The following SYNE2 variants were observed in gnomAD, a reference collection of about 807,000 sequenced individuals.
The protein encoded by SYNE2 is spectrin repeat containing nuclear envelope protein 2.
Under a neutral mutation model 856.3 loss-of-function variants are expected in SYNE2, and 431 were observed. The observed-to-expected ratio is 0.50, with a 90% CI of 0.47 to 0.55. SYNE2 has a LOEUF of 0.55. Ranked by LOEUF, SYNE2 falls within the 20% of genes least tolerant of loss-of-function variation. SYNE2 has a pLI of 0.00. For missense variants in SYNE2, 8,129 were observed against 8,023.2 expected (o/e 1.01, Z -0.50); for synonymous variants, 2,923 against 2,872.3 (o/e 1.02, Z -0.56).
At chr14:63,954,977 A>G in intron 8 of SYNE2, 62 bp downstream of exon 8, 1 of 1,339,412 alleles carries the variant, frequency 7.5e-7, no homozygotes, top group Non-Finnish European at 1.1e-6. Flanking sequence ...TGATTTCAAA[A>G]TAGTATCTAT....
chr14:63,948,724 A>ATATG (rs2096079743), intron 6 of SYNE2, among the ~76,000 whole-genome samples: 1 of 84,812 alleles, frequency 1.2e-5, no homozygotes, highest in African/African-American at 3.6e-5. Flanking sequence ...ATATGTGTGT[A>ATATG]TATATATGTG....
At chr14:64,104,359 A>G (rs968291573) in intron 64 of SYNE2, among the ~76,000 whole-genome samples, 2 of 148,052 alleles carry the variant, frequency 1.4e-5, no homozygotes, top group African/African-American at 2.5e-5. Context: ...TCCCTCCTCC[A>G]TCTCCTTTTC....
At chr14:63,885,714 T>C (rs545152645) in intron 1 of SYNE2, among the ~76,000 whole-genome samples, 24 of 152,328 alleles carry the variant, frequency 1.6e-4, no homozygotes, top group African/African-American at 5.8e-4. Flanking sequence ...CAATCCTGCC[T>C]CAGCATCCTG....
rs1045012244 is a variant in SYNE2 at position 64,072,412 on chromosome 14, G to T, written c.10697+1502G>T. On this transcript the variant is annotated intron_variant, in intron 52 of 115. Coordinates refer to ENST00000555002, the MANE Select transcript of SYNE2 (RefSeq NM_182914.3). ...CACTATCCACCCGGAGACAGCATCA[G>T]ATCACACAGGCTGGGGGCTCAATCC... Among the ~76,000 whole-genome samples, 3 of 152,094 alleles carry T rather than the reference G, an allele frequency of 2.0e-5. No homozygotes were observed. The South Asian group carries it at 6.2e-4, about 32-fold the overall frequency.
At position 64,132,276 on chromosome 14, in the gene SYNE2, G is replaced by A. The variant is rs373165581; in HGVS notation, c.14352G>A (p.Gln4784=). ...TCTCCATCTCATAGGTTTTTTTCCA[G>A]AAGCTTGTTGCTGACATGTTGTTGA... ...AQIENHKVFF[Q]KLVADMLLIQ... The change falls in exon 77 of 116, where the codon CAG becomes CAA. Residue 4784 remains glutamine, a synonymous_variant. Transcript: ENST00000555002. 1.2e-6 allele frequency: 2 copies of A among 1,613,292 alleles called. No homozygotes were observed. The highest frequency in any genetic ancestry group is 1.7e-6 in the Non-Finnish European group (2 of 1,179,956).
chr14:64,224,559 C>G lies in SYNE2; in HGVS notation c.20469+12C>G, dbSNP rs2098709749. The G allele has an allele frequency of 1.2e-6, 2 of 1,613,990 alleles. No homozygotes were observed. Among genetic ancestry groups the G allele is most frequent in the Non-Finnish European group, 1.7e-6 (2 of 1,179,934 alleles). On this transcript the variant is annotated intron_variant, in intron 114 of 115. Coordinates refer to ENST00000555002, the MANE Select transcript of SYNE2 (RefSeq NM_182914.3). ...CTCCCCGAGCAAAGGTAAGAAGCCC[C>G]TTCCTTCTGTGAGAACCTCACTGGT...
At chr14:64,122,856 A>G (rs2097908580) in intron 70 of SYNE2, among the ~76,000 whole-genome samples, 2 of 152,112 alleles carry the variant, frequency 1.3e-5, no homozygotes, top group African/African-American at 4.8e-5. Context: ...TAATCCCAGC[A>G]CTTTGGGAGG....
intron 1 of SYNE2, among the ~76,000 whole-genome samples, chr14:63,778,183 C>T (rs923984163): frequency 6.6e-6 from 1 of 152,150 alleles, no homozygotes; most frequent in African/African-American, 2.4e-5. Flanking sequence ...TGAGTTCTCA[C>T]GAGATCTGGT....
intron 1 of SYNE2, among the ~76,000 whole-genome samples, chr14:63,847,726 C>T (rs1449849605): frequency 2.6e-5 from 4 of 151,108 alleles, no homozygotes; most frequent in Non-Finnish European, 5.9e-5. Context: ...GCTGGGATTA[C>T]AGGTGTGGGC....
At chr14:64,184,725 C>T (rs983921824) in intron 96 of SYNE2, among the ~76,000 whole-genome samples, 8 of 152,186 alleles carry the variant, frequency 5.3e-5, no homozygotes, top group Non-Finnish European at 1.0e-4. Context: ...CTACTGGAAC[C>T]AATCGTGAGA....
At chr14:63,769,718 TA>T (rs35285205) in intron 1 of SYNE2, among the ~76,000 whole-genome samples, 105,086 of 120,844 alleles carry the variant, frequency 0.87, 45,526 homozygotes, top group South Asian at 0.89. Flanking sequence ...ACCCTGTCTC[TA>T]AAAAAAAAAA....
In SYNE2 at chr14:64,148,977, T is replaced by TC. The variant is rs201146095; in HGVS notation, c.15639+2754_15639+2755insC. Among the ~76,000 whole-genome samples, 583 of 123,682 alleles carry TC rather than the reference T, an allele frequency of 4.7e-3. 7 individuals carry two copies. The highest frequency in any genetic ancestry group is 0.021 in the East Asian group (102 of 4,860). 81.1% of individuals were successfully genotyped at this position (123,682 alleles called of 152,430 possible). A position where few individuals can be genotyped will look rare whatever the true frequency, so the allele number is the denominator to read the frequency against. On this transcript the variant is annotated intron_variant, in intron 84 of 115. Transcript: ENST00000555002. ...GCTTTTCTATAAATGTTAATTTCTC[T>TC]TTTTTTTTTTTTTTTTCCACTATTC...
chr14:63,976,610 C>T lies in SYNE2; in HGVS notation c.1176C>T (p.Leu392=). Reference sequence around the variant, plus strand: ...TAAATTATGCCTTGCCCCCACCCCTCCATCAAACTGAAGCTTGGCTCCAGG... The same window carrying T: ...TAAATTATGCCTTGCCCCCACCCCTTCATCAAACTGAAGCTTGGCTCCAGG... ...IKLNYALPPP[L]HQTEAWLQEV... The change falls in exon 12 of 116, where the codon CTC becomes CTT. Residue 392 remains leucine (L), a synonymous_variant. Coordinates refer to ENST00000555002, the MANE Select transcript of SYNE2 (RefSeq NM_182914.3). 2 of 1,610,886 alleles carry T rather than the reference C, an allele frequency of 1.2e-6. No homozygotes were observed. Among genetic ancestry groups the T allele is most frequent in the Non-Finnish European group, 1.7e-6 (2 of 1,179,500 alleles).
intron 1 of SYNE2, among the ~76,000 whole-genome samples, chr14:63,854,227 G>A (rs907171450): frequency 1.3e-5 from 2 of 149,716 alleles, no homozygotes; most frequent in Non-Finnish European, 3.0e-5. Flanking sequence ...CTAGAAGTCC[G>A]AAGGCTTCGT....
intron 8 of SYNE2, among the ~76,000 whole-genome samples, chr14:63,958,240 T>C (rs1187745129): frequency 6.6e-6 from 1 of 152,188 alleles, no homozygotes; most frequent in Non-Finnish European, 1.5e-5. Flanking sequence ...ACTTTATTCA[T>C]ATTTTCTTAG....
intron 37 of SYNE2, 21 bp downstream of exon 37, chr14:64,022,049 A>G (rs781562108): frequency 1.9e-6 from 3 of 1,611,928 alleles, no homozygotes; most frequent in Admixed American, 1.7e-5. Context: ...CATTTCTCTT[A>G]TTTTGTTTCT....
chr14:63,851,526 G>A (rs1446167446), upstream of SYNE2, among the ~76,000 whole-genome samples: 1 of 152,220 alleles, frequency 6.6e-6, no homozygotes, highest in African/African-American at 2.4e-5. Flanking sequence ...CTGCATTTGT[G>A]AAGAGTTGAG....
intron 11 of SYNE2, among the ~76,000 whole-genome samples, chr14:63,968,786 A>G (rs928535111): frequency 6.6e-6 from 1 of 152,248 alleles, no homozygotes; most frequent in African/African-American, 2.4e-5. Context: ...AAATAAACAC[A>G]TCTTGGAGAA....
intron 62 of SYNE2, 33 bp from the exon 63 acceptor site, chr14:64,098,714 A>G: frequency 6.2e-7 from 1 of 1,609,858 alleles, no homozygotes; most frequent in Non-Finnish European, 8.5e-7. Context: ...ACTGGCAAGC[A>G]GACTGCAGGT....
Sources: allele counts gnomAD v4.1 joint callset (sites outside exome capture counted in the v4.1 genomes callset), GRCh38; gene constraint gnomAD v4.1.1; transcripts MANE v1.5; gene names NCBI Gene and HGNC (gene_info 2026-07-23, HGNC 2026-07-21).